USF3: variants seen among roughly 807,000 people sequenced by gnomAD.
The protein encoded by USF3 is basic helix-loop-helix domain-containing protein USF3.
Under a neutral mutation model 157.5 loss-of-function variants are expected in USF3, and 29 were observed. That is an observed-to-expected ratio of 0.18 (90% confidence interval 0.14 to 0.25). The LOEUF (loss-of-function observed/expected upper bound fraction) is 0.25. Among genes scored for constraint, USF3 ranks in the 10% least tolerant of loss-of-function variants. The pLI is 1.00. For synonymous variants in USF3, 893 were observed against 941.4 expected (o/e 0.95, Z 0.94); for missense variants, 2,381 against 2,667.6 (o/e 0.89, Z 2.37).
rs745332813 is a variant in USF3 at position 113,661,096 on chromosome 3, C to A, written c.586G>T (p.Val196Leu). 2.8e-5 allele frequency: 46 copies of A among 1,614,076 alleles called. No homozygotes were observed. Among genetic ancestry groups the A allele is most frequent in the Non-Finnish European group, 3.7e-5 (44 of 1,180,040 alleles). The change falls in exon 7 of 7, where the codon GTA (valine) becomes TTA (leucine). Residue 196 changes from valine (V) to leucine (L), a missense_variant. This residue lies in a region of USF3 where 1,435 missense variants were observed against 1,550.9 expected (regional missense o/e 0.93). Transcript: ENST00000316407. The part of the protein sequence containing the change: ...VQRTCNLVTP[V>L]SISGVYPSEN... ...GAAGGGTAAACTCCAGAAATAGATA[C>A]AGGAGTCACAAGATTGCAAGTCCTC...
At position 113,661,412 on chromosome 3, in the gene USF3, T is replaced by C. The variant is rs775582158; in HGVS notation, c.270A>G (p.Lys90=). 1 of 1,554,540 alleles carries C rather than the reference T, an allele frequency of 6.4e-7. No individual in the cohort carries two copies. Among genetic ancestry groups the C allele is most frequent in the African/African-American group, 1.4e-5 (1 of 72,114 alleles). ...GGNNEQAEEI[K]KLRKQLEEIQ... Reference sequence around the variant, plus strand: ...TTTCTTCCAGTTGTTTCCGTAGCTTTTTTATTTCTTCAGCTATAATATTAA... The same window carrying C: ...TTTCTTCCAGTTGTTTCCGTAGCTTCTTTATTTCTTCAGCTATAATATTAA... The change falls in exon 7 of 7, where the codon AAA becomes AAG. Residue 90 remains lysine, a synonymous_variant. Coordinates refer to ENST00000316407, the MANE Select transcript of USF3 (RefSeq NM_001009899.4).
chr3:113,673,020 A>G (rs887463964), intron 4 of USF3, among the ~76,000 whole-genome samples: 1 of 152,182 alleles, frequency 6.6e-6, no homozygotes, highest in Non-Finnish European at 1.5e-5. Context: ...CCCCCTCGGG[A>G]ATTGCTGCAA....
At chr3:113,672,523 CA>C (rs2107940911) in intron 4 of USF3, among the ~76,000 whole-genome samples, 1 of 152,052 alleles carries the variant, frequency 6.6e-6, no homozygotes, top group South Asian at 2.1e-4. Flanking sequence ...AAAAAAAAAT[CA>C]AAGCAATAAA....
At chr3:113,690,220 A>G (rs1318968579) in intron 1 of USF3, among the ~76,000 whole-genome samples, 1 of 152,128 alleles carries the variant, frequency 6.6e-6, no homozygotes, top group African/African-American at 2.4e-5. Flanking sequence ...ACCAAATTCT[A>G]TCAATTGTTT....
At chr3:113,690,778 T>C (rs1707665874) in intron 1 of USF3, among the ~76,000 whole-genome samples, 1 of 152,228 alleles carries the variant, frequency 6.6e-6, no homozygotes, top group African/African-American at 2.4e-5. Context: ...CTAAACCCTC[T>C]ACCTATACTC....
rs1947259778 is a variant in USF3, at chr3:113,651,477, C to T, written c.*3467G>A. ...CCCGCTAAGGAAAAGACCAGCTTCC[C>T]TGAGCCCTATTTCACATGGAGCAGG... On this transcript the variant is annotated 3_prime_UTR_variant, in exon 7 of 7. Coordinates refer to ENST00000316407, the MANE Select transcript of USF3 (RefSeq NM_001009899.4). 6.6e-6 allele frequency: 1 copy of T among 152,204 alleles called. No homozygotes were observed. Among genetic ancestry groups the T allele is most frequent in the African/African-American group, 2.4e-5 (1 of 41,442 alleles). 9.4% of individuals were successfully genotyped at this position (152,204 alleles called of 1,614,324 possible). A position where few individuals can be genotyped will look rare whatever the true frequency, so the allele number is the denominator to read the frequency against.
In USF3 at chr3:113,656,852, T is replaced by C; in HGVS notation, c.4830A>G (p.Arg1610=). 6.2e-7 allele frequency: 1 copy of C among 1,614,248 alleles called. No homozygotes were observed. Among genetic ancestry groups the C allele is most frequent in the East Asian group, 2.2e-5 (1 of 44,888 alleles). The change falls in exon 7 of 7, where the codon AGA becomes AGG. Residue 1610 remains arginine (R), a synonymous_variant. Transcript: ENST00000316407. The part of the protein sequence containing the change: ...IMHQQQDVGS[R]QQGSGVSSEH... ...CAGATGAAACCCCTGAACCTTGCTG[T>C]CTGCTTCCAACATCCTGCTGTTGGT...
intron 1 of USF3, among the ~76,000 whole-genome samples, chr3:113,687,831 C>T (rs1577053906): frequency 6.6e-6 from 1 of 152,198 alleles, no homozygotes; most frequent in African/African-American, 2.4e-5. Context: ...GTCCTTTTAT[C>T]CCAAGGGCTT....
In USF3 at chr3:113,652,672, G is replaced by C. The variant is rs971764085; in HGVS notation, c.*2272C>G. The C allele has an allele frequency of 6.6e-6, 1 of 152,634 alleles. No homozygotes were observed. The highest frequency in any genetic ancestry group is 1.5e-5 in the Non-Finnish European group (1 of 68,596). The allele number at this position is 152,634 out of a possible 1,614,324, so 9.5% of individuals were successfully genotyped here. ...TTTTTAGGATTAAAAAAAAAGGGGG[G>C]GGCCTGGGAGGGGTGACTCATGCCT... On this transcript the variant is annotated 3_prime_UTR_variant, in exon 7 of 7. Coordinates refer to ENST00000316407, the MANE Select transcript of USF3 (RefSeq NM_001009899.4).
chr3:113,654,638 C>G lies in USF3; in HGVS notation c.*306G>C, dbSNP rs1947320498. 3.1e-6 allele frequency: 1 copy of G among 319,314 alleles called. No homozygotes were observed. The highest frequency in any genetic ancestry group is 5.7e-6 in the Non-Finnish European group (1 of 175,136). 19.8% of individuals were successfully genotyped at this position (319,314 alleles called of 1,614,324 possible). ...AAAGTCTAGGCTCCCTCCTACTACC[C>G]AGTACATGACAAGATGATCTCCCCC... On this transcript the variant is annotated 3_prime_UTR_variant, in exon 7 of 7. Coordinates refer to ENST00000316407, the MANE Select transcript of USF3 (RefSeq NM_001009899.4).
In USF3 at chr3:113,656,733, G is replaced by T. The variant is rs1947367013; in HGVS notation, c.4949C>A (p.Ser1650Tyr). 6.2e-7 allele frequency: 1 copy of T among 1,614,160 alleles called. No individual in the cohort carries two copies. The change falls in exon 7 of 7, where the codon TCT (serine) becomes TAT (tyrosine). Residue 1650 changes from serine to tyrosine, a missense_variant. By Grantham distance (144) the Ser-to-Tyr change is moderately radical (BLOSUM62 -2). Transcript: ENST00000316407. ...GTGTGGAGTACAGGTCATGTCTGAA[G>T]ATCTAGTCACAATACTTGGTTGGGA... ...MVSQPSIVTR[S>Y]SDMTCTPHRP...
chr3:113,649,528 C>A lies in USF3; in HGVS notation c.*5416G>T, dbSNP rs79162957. On this transcript the variant is annotated 3_prime_UTR_variant, in exon 7 of 7. Transcript: ENST00000316407. ...TTTTTTTGTTTTTTGTTTTTTTTTACAAATCAACATCAAAGATGGCTCAGA... is the reference window on the plus strand; with the variant it reads ...TTTTTTTGTTTTTTGTTTTTTTTTAAAAATCAACATCAAAGATGGCTCAGA... 0.024 allele frequency: 6,595 copies of A among 278,688 alleles called. 105 individuals carry two copies. The highest frequency in any genetic ancestry group is 0.029 in the Non-Finnish European group (4,370 of 151,402). The allele number at this position is 278,688 out of a possible 1,614,324, so 17.3% of individuals were successfully genotyped here.
At position 113,649,503 on chromosome 3, in the gene USF3, T is replaced by G. The variant is rs771586082; in HGVS notation, c.*5441A>C. On this transcript the variant is annotated 3_prime_UTR_variant, in exon 7 of 7. Coordinates refer to ENST00000316407, the MANE Select transcript of USF3 (RefSeq NM_001009899.4). Reference sequence around the variant, plus strand: ...TAACAGGAGTTTTGCTACTAGGTTTTTTTTTTGTTTTTTGTTTTTTTTTAC... The same window carrying G: ...TAACAGGAGTTTTGCTACTAGGTTTGTTTTTTGTTTTTTGTTTTTTTTTAC... 5.7e-5 allele frequency: 14 copies of G among 245,680 alleles called. No individual in the cohort carries two copies. Among genetic ancestry groups the G allele is most frequent in the East Asian group, 5.2e-4 (7 of 13,456 alleles). 15.2% of individuals were successfully genotyped at this position (245,680 alleles called of 1,614,324 possible). A position where few individuals can be genotyped will look rare whatever the true frequency, so the allele number is the denominator to read the frequency against.
chr3:113,681,091 C>T (rs895259002), intron 1 of USF3, among the ~76,000 whole-genome samples: 1 of 152,106 alleles, frequency 6.6e-6, no homozygotes, highest in African/African-American at 2.4e-5. Flanking sequence ...ATTCTCCCTA[C>T]CTCAGCCTCC....
At chr3:113,689,009 C>G (rs1239946230) in intron 1 of USF3, among the ~76,000 whole-genome samples, 1 of 150,642 alleles carries the variant, frequency 6.6e-6, no homozygotes, top group East Asian at 2.0e-4. Context: ...CAAGCCTGGG[C>G]AACAGAGGGA....
chr3:113,663,218 C>T (rs1947514192), intron 6 of USF3, among the ~76,000 whole-genome samples: 1 of 152,144 alleles, frequency 6.6e-6, no homozygotes, highest in Non-Finnish European at 1.5e-5. Context: ...GTCTGGTCAG[C>T]TTTTTCTGAG....
At chr3:113,678,329 C>T (rs932244670) in intron 1 of USF3, among the ~76,000 whole-genome samples, 6 of 152,052 alleles carry the variant, frequency 3.9e-5, no homozygotes, top group Admixed American at 3.9e-4. Flanking sequence ...GTTGTCTAAA[C>T]ATCTAGAGTA....
chr3:113,691,000 A>T (rs1707670095), intron 1 of USF3, among the ~76,000 whole-genome samples: 2 of 151,994 alleles, frequency 1.3e-5, no homozygotes, highest in African/African-American at 4.8e-5. Context: ...CCAGCCTGGG[A>T]AACAAGGCAA....
At chr3:113,675,998 C>G (rs1707272372) in intron 2 of USF3, among the ~76,000 whole-genome samples, 1 of 152,180 alleles carries the variant, frequency 6.6e-6, no homozygotes, top group African/African-American at 2.4e-5. Flanking sequence ...CATCGGAGAC[C>G]ACCTCAGCCT....
Sources: allele counts gnomAD v4.1 joint callset (sites outside exome capture counted in the v4.1 genomes callset), GRCh38; gene constraint gnomAD v4.1.1; regional missense constraint gnomAD v4.1.1; transcripts MANE v1.5; gene names NCBI Gene and HGNC (gene_info 2026-07-23, HGNC 2026-07-21).